The following DNAJC11 variants were observed in gnomAD, a reference collection of about 807,000 sequenced individuals.
The protein encoded by DNAJC11 is DnaJ heat shock protein family (Hsp40) member C11, also known as dnaJ homolog subfamily C member 11.
Under a neutral mutation model 78.6 loss-of-function variants are expected in DNAJC11, and 15 were observed. The ratio of observed to expected loss-of-function variants is 0.19; its 90% CI spans 0.13 to 0.29. The LOEUF (loss-of-function observed/expected upper bound fraction) is 0.29, where lower values mean the gene tolerates loss of function less well. Ranked by LOEUF, DNAJC11 falls within the 10% of genes least tolerant of loss-of-function variation. DNAJC11 has a pLI of 1.00. For missense variants in DNAJC11, 547 were observed against 709.6 expected, an observed-to-expected ratio of 0.77 and a Z score of 2.60; for synonymous variants, 292 against 272.1, an observed-to-expected ratio of 1.07 and a Z score of -0.72.
Position 6,672,089 on chromosome 1 carries a change from C to T in DNAJC11, c.277-4279G>A, listed in dbSNP as rs182715865. 6.4e-3 allele frequency among the ~76,000 whole-genome samples: 980 copies of T among 152,296 alleles called. 8 individuals are homozygous for T. Among genetic ancestry groups the T allele is most frequent in the African/African-American group, 0.022 (932 of 41,576 alleles). On this transcript the variant is annotated intron_variant, in intron 3 of 15. Transcript: ENST00000377577. ...ACCTCAAGTGATCCACCTGCCTTGACTTCCCAAAGTGTTGGGATTACAGGT... is the reference window on the plus strand; with the variant it reads ...ACCTCAAGTGATCCACCTGCCTTGATTTCCCAAAGTGTTGGGATTACAGGT...
intron 3 of DNAJC11, among the ~76,000 whole-genome samples, chr1:6,669,942 C>T (rs574717612): frequency 9.9e-5 from 15 of 151,912 alleles, no homozygotes; most frequent in Non-Finnish European, 1.5e-4. Context: ...GGAAATTTCA[C>T]GTTTCAAAAA....
At chr1:6,688,843 A>C (rs1327266886) in intron 1 of DNAJC11, among the ~76,000 whole-genome samples, 1 of 152,222 alleles carries the variant, frequency 6.6e-6, no homozygotes, top group Non-Finnish European at 1.5e-5. Context: ...AGTAGGTAAG[A>C]AACTAATTTG....
At chr1:6,682,493 C>T (rs779986166) in intron 1 of DNAJC11, among the ~76,000 whole-genome samples, 7 of 152,190 alleles carry the variant, frequency 4.6e-5, no homozygotes, top group Admixed American at 1.3e-4. Flanking sequence ...GGCAGCGGTG[C>T]TGGGGCCCGG....
At chr1:6,636,862 GT>G (rs1329740285) in intron 14 of DNAJC11, among the ~76,000 whole-genome samples, 1 of 151,898 alleles carries the variant, frequency 6.6e-6, no homozygotes, top group Non-Finnish European at 1.5e-5. Flanking sequence ...TTGTTTGTTT[GT>G]TTTGAGACAG....
chr1:6,645,200 C>CCACAG lies in DNAJC11; in HGVS notation c.895-75_895-74insCTGTG. 2 of 1,210,204 alleles carry CCACAG rather than the reference C, an allele frequency of 1.7e-6. No homozygotes were observed. The highest frequency in any genetic ancestry group is 2.4e-6 in the Non-Finnish European group (2 of 818,682). 75.0% of individuals were successfully genotyped at this position (1,210,204 alleles called of 1,614,324 possible). A position where few individuals can be genotyped will look rare whatever the true frequency, so the allele number is the denominator to read the frequency against. ...GTGGGGAGATGGGTATCTGCCCTCCCACTAGCTCTGGGCATCTGCTGCACA... is the reference window on the plus strand; with the variant it reads ...GTGGGGAGATGGGTATCTGCCCTCCCCACAGACTAGCTCTGGGCATCTGCTGCACA... On this transcript the variant is annotated intron_variant, in intron 8 of 15. Transcript: ENST00000377577. This position sits in a 1 kb window ranked among gnomAD's most constrained non-coding sequence, Gnocchi z 4.1.
chr1:6,659,350 G>A (rs572093373), intron 4 of DNAJC11, among the ~76,000 whole-genome samples: 46 of 152,056 alleles, frequency 3.0e-4, no homozygotes, highest in Non-Finnish European at 5.4e-4. Flanking sequence ...TGGCCTCTGC[G>A]TTGGCTCTGC....
chr1:6,637,464 G>A lies in DNAJC11; in HGVS notation c.1364C>T (p.Ala455Val). Residue 455 changes from alanine to valine, a missense_variant, in exon 13 of 16, where the codon GCA becomes GTA. Ala to Val is a moderately conservative substitution (Grantham distance 64, BLOSUM62 0). Coordinates refer to ENST00000377577, the MANE Select transcript of DNAJC11 (RefSeq NM_018198.4). ...GTTCTCACCCATTCTGGACTCTTCT[G>A]CCTCAATTATCCTTCGGACAGATTC... ...MQESVRRIIE[A>V]EESRMGLIIV... is the part of the protein sequence containing the mutation. 6.2e-7 allele frequency: 1 copy of A among 1,614,196 alleles called. No individual in the cohort carries two copies.
chr1:6,670,345 T>C (rs181736327), intron 3 of DNAJC11: 13 of 152,134 alleles, frequency 8.5e-5, no homozygotes, highest in African/African-American at 2.6e-4. Context: ...TCACACTCAA[T>C]TTTTTTTGTA....
chr1:6,641,398 T>C (rs1484419837), intron 10 of DNAJC11, among the ~76,000 whole-genome samples: 1 of 146,156 alleles, frequency 6.8e-6, no homozygotes, highest in East Asian at 2.0e-4. Flanking sequence ...AAAATATATA[T>C]ATATATATAC....
intron 1 of DNAJC11, among the ~76,000 whole-genome samples, chr1:6,697,790 T>C (rs1011421904): frequency 2.7e-5 from 4 of 150,416 alleles, no homozygotes; most frequent in African/African-American, 7.3e-5. Flanking sequence ...TCCAATTATA[T>C]ACCTCTATTA....
intron 1 of DNAJC11, among the ~76,000 whole-genome samples, chr1:6,689,485 A>C (rs2147883865): frequency 6.6e-6 from 1 of 152,284 alleles, no homozygotes; most frequent in Non-Finnish European, 1.5e-5. Flanking sequence ...AGGCAGATAG[A>C]GATGAAGGGT....
intron 7 of DNAJC11, 135 bp from the exon 8 acceptor site, chr1:6,646,113 A>G (rs1641961136): frequency 1.2e-6 from 1 of 858,988 alleles, no homozygotes; most frequent in Admixed American, 2.6e-5. Context: ...AGTAAAAAAA[A>G]AAGCAGGAGG....
chr1:6,696,977 A>T (rs933787376), intron 1 of DNAJC11, among the ~76,000 whole-genome samples: 24 of 152,228 alleles, frequency 1.6e-4, no homozygotes, highest in African/African-American at 5.5e-4. Flanking sequence ...GTGTCAATTA[A>T]ATTTCCTAAT....
chr1:6,698,433 C>T lies in DNAJC11; in HGVS notation c.72+3296G>A, dbSNP rs74050248. ...AATTCCAGCAAATATCAAGTTCAGACATCACCTTCAGAGCTTCTAATGGAA... is the reference window on the plus strand; with the variant it reads ...AATTCCAGCAAATATCAAGTTCAGATATCACCTTCAGAGCTTCTAATGGAA... On this transcript the variant is annotated intron_variant, in intron 1 of 15. Transcript: ENST00000377577. 3.0e-3 allele frequency among the ~76,000 whole-genome samples: 459 copies of T among 152,274 alleles called. 2 individuals carry two copies. Among genetic ancestry groups the T allele is most frequent in the African/African-American group, 0.011 (442 of 41,544 alleles).
At chr1:6,664,962 G>A (rs764154450) in intron 4 of DNAJC11, among the ~76,000 whole-genome samples, 6 of 152,116 alleles carry the variant, frequency 3.9e-5, no homozygotes, top group Non-Finnish European at 7.3e-5. Flanking sequence ...ATGCACCCGC[G>A]TTTCAGGCGG....
At chr1:6,648,913 G>C (rs191383967) in intron 7 of DNAJC11, among the ~76,000 whole-genome samples, 271 of 152,302 alleles carry the variant, frequency 1.8e-3, no homozygotes, top group African/African-American at 6.2e-3. Context: ...CAATTACGTA[G>C]AGCAGGGGAC....
At chr1:6,648,594 T>A (rs1437564841) in intron 7 of DNAJC11, among the ~76,000 whole-genome samples, 1 of 152,160 alleles carries the variant, frequency 6.6e-6, no homozygotes, top group Non-Finnish European at 1.5e-5. Flanking sequence ...GTAGCTGGGA[T>A]TACAGGTGTG....
chr1:6,651,266 T>C (rs1307112882), intron 7 of DNAJC11: 2 of 652,710 alleles, frequency 3.1e-6, no homozygotes, highest in Non-Finnish European at 5.8e-6. Context: ...TCCGTGGCCT[T>C]GTGGCATAGG....
chr1:6,695,799 C>T (rs1642826859), intron 1 of DNAJC11, among the ~76,000 whole-genome samples: 1 of 150,454 alleles, frequency 6.6e-6, no homozygotes, highest in African/African-American at 2.5e-5. Context: ...CAGTGTGAGA[C>T]TCCATCTCAA....
Sources: gnomAD v4.1 joint callset for allele counts (sites outside exome capture counted in the v4.1 genomes callset) on GRCh38, gnomAD v4.1.1 for gene constraint, Gnocchi (gnomAD v3.1) non-coding constraint, MANE v1.5 for transcripts, NCBI Gene and HGNC (gene_info 2026-07-23, HGNC 2026-07-21) for gene names.